The following RNFT2 variants were observed in gnomAD, a reference collection of about 807,000 sequenced individuals.
RNFT2 encodes E3 ubiquitin-protein ligase RNFT2.
RNFT2 carries 36 observed loss-of-function variants against 53.0 expected under a neutral mutation model. The observed-to-expected ratio is 0.68, with a 90% confidence interval of 0.52 to 0.90. RNFT2 has a LOEUF of 0.90. RNFT2 is among the 40% of genes least tolerant of loss of function. RNFT2 has a pLI of 0.00. For synonymous variants in RNFT2, 260 were observed against 253.2 expected (o/e 1.03, Z -0.26); for missense variants, 514 against 585.6 (o/e 0.88, Z 1.26).
chr12:116,759,976 G>T (rs1226869860), intron 5 of RNFT2, among the ~76,000 whole-genome samples: 1 of 152,170 alleles, frequency 6.6e-6, no homozygotes, highest in Non-Finnish European at 1.5e-5. Flanking sequence ...GGACCATCGG[G>T]TTGGGGTGAG....
intron 3 of RNFT2, among the ~76,000 whole-genome samples, chr12:116,745,994 T>C (rs1871875137): frequency 6.6e-6 from 1 of 152,082 alleles, no homozygotes; most frequent in African/African-American, 2.4e-5. Context: ...CCCAGCACTT[T>C]GGGAGGCCAA....
chr12:116,791,134 C>T (rs149450099), intron 7 of RNFT2, among the ~76,000 whole-genome samples: 101 of 152,320 alleles, frequency 6.6e-4, no homozygotes, highest in African/African-American at 2.3e-3. Flanking sequence ...ATTCCATTCC[C>T]GCTTCCCACA....
At position 116,799,669 on chromosome 12, in the gene RNFT2, C is replaced by T. The variant is rs549267597; in HGVS notation, c.882+20321C>T. ...GGGATTCCTCAGCTGGGCACGATGGCTCATGCCTGTAATCCCTTTTTTTGG... is the reference window on the plus strand; with the variant it reads ...GGGATTCCTCAGCTGGGCACGATGGTTCATGCCTGTAATCCCTTTTTTTGG... On this transcript the variant is annotated intron_variant, in intron 7 of 10. Transcript: ENST00000257575. 3.3e-5 allele frequency among the ~76,000 whole-genome samples: 5 copies of T among 152,302 alleles called. No individual in the cohort carries two copies. In the South Asian group the frequency reaches 1.0e-3, roughly 32 times the overall value.
intron 10 of RNFT2, among the ~76,000 whole-genome samples, chr12:116,838,706 A>G (rs79518302): frequency 0.13 from 20,112 of 152,216 alleles, 2,253 homozygotes; most frequent in African/African-American, 0.3. Context: ...TAGCAGGGAC[A>G]ATTTGAACAT....
intron 5 of RNFT2, 61 bp from the exon 6 acceptor site, chr12:116,766,753 C>A: frequency 7.8e-7 from 1 of 1,279,278 alleles, no homozygotes; most frequent in Non-Finnish European, 1.1e-6. Flanking sequence ...CATCAGGGTA[C>A]ATTCTGGAAG....
chr12:116,747,390 A>G (rs901270795), intron 3 of RNFT2, among the ~76,000 whole-genome samples: 7 of 152,018 alleles, frequency 4.6e-5, no homozygotes, highest in African/African-American at 1.7e-4. Context: ...CCTGGAGCCA[A>G]TTGCAGTGGC....
chr12:116,783,058 C>T (rs1873784471), intron 7 of RNFT2, among the ~76,000 whole-genome samples: 1 of 152,158 alleles, frequency 6.6e-6, no homozygotes, highest in African/African-American at 2.4e-5. Context: ...TGTTGGCTAC[C>T]AGGGTGATGC....
intron 5 of RNFT2, among the ~76,000 whole-genome samples, chr12:116,761,255 T>C (rs1363025469): frequency 3.9e-5 from 6 of 152,138 alleles, no homozygotes; most frequent in African/African-American, 1.4e-4. Context: ...TTCAAGCAAT[T>C]CCTCTGCCTC....
Position 116,740,456 on chromosome 12 carries a change from A to T in RNFT2, c.-42A>T. The T allele has an allele frequency of 6.4e-7, 1 of 1,560,258 alleles. No homozygotes were observed. The highest frequency in any genetic ancestry group is 8.7e-7 in the Non-Finnish European group (1 of 1,150,388). On this transcript the variant is annotated 5_prime_UTR_variant, in exon 2 of 11. Transcript: ENST00000257575. ...GGTCACATCCCCCTGAGGATTCCCG[A>T]ATGCCTACCTCCAGTGTCGTCAACA...
chr12:116,783,609 C>G (rs762592634), intron 7 of RNFT2, among the ~76,000 whole-genome samples: 1 of 152,246 alleles, frequency 6.6e-6, no homozygotes, highest in Admixed American at 6.5e-5. Flanking sequence ...CTCCCTGTGC[C>G]CAGCTACAGC....
At chr12:116,845,257 AAATAT>A (rs1338177800) in intron 10 of RNFT2, among the ~76,000 whole-genome samples, 10 of 81,020 alleles carry the variant, frequency 1.2e-4, no homozygotes, top group African/African-American at 5.1e-4. Context: ...AAAAAAAAAA[AAATAT>A]ATATATATAT....
At chr12:116,819,579 C>T (rs1481777092) in intron 7 of RNFT2, among the ~76,000 whole-genome samples, 1 of 152,102 alleles carries the variant, frequency 6.6e-6, no homozygotes, top group Non-Finnish European at 1.5e-5. Flanking sequence ...GGCCAGCCCG[C>T]GCCGCCAGGA....
chr12:116,769,616 G>A (rs1009966319), intron 6 of RNFT2, among the ~76,000 whole-genome samples: 2 of 152,184 alleles, frequency 1.3e-5, no homozygotes, highest in African/African-American at 4.8e-5. Context: ...CTGTACAGCT[G>A]TACAATCTGT....
chr12:116,762,403 C>A (rs115470858), intron 5 of RNFT2, among the ~76,000 whole-genome samples: 1,153 of 138,390 alleles, frequency 8.3e-3, no homozygotes, highest in Middle Eastern at 0.011. Context: ...CATCTCAAAA[C>A]AAAAAAAAAA....
intron 7 of RNFT2, among the ~76,000 whole-genome samples, chr12:116,796,222 T>C (rs1874500163): frequency 6.6e-6 from 1 of 152,096 alleles, no homozygotes; most frequent in African/African-American, 2.4e-5. Flanking sequence ...CCAGTGGTCA[T>C]TTCTGTCTCT....
At chr12:116,838,578 G>A (rs1478283576) in intron 10 of RNFT2, among the ~76,000 whole-genome samples, 2 of 152,194 alleles carry the variant, frequency 1.3e-5, no homozygotes, top group Non-Finnish European at 2.9e-5. Flanking sequence ...TTTGAGCTTT[G>A]CCAATCTGAC....
At chr12:116,829,256 T>C (rs1307197851) in intron 7 of RNFT2, among the ~76,000 whole-genome samples, 2 of 152,146 alleles carry the variant, frequency 1.3e-5, no homozygotes. Context: ...ACTAAGTTGC[T>C]GTCCATTGGT....
At position 116,792,280 on chromosome 12, in the gene RNFT2, C is replaced by T. The variant is rs1042670873; in HGVS notation, c.882+12932C>T. 3.3e-5 allele frequency among the ~76,000 whole-genome samples: 5 copies of T among 152,156 alleles called. No individual in the cohort carries two copies. In the South Asian group the frequency reaches 1.0e-3, roughly 32 times the overall value. Reference sequence around the variant, plus strand: ...GGCCAGGCTGGTCTTGAACTCCTGACCTCAGGTGATCTGCCCACCTCGGCC... The same window carrying T: ...GGCCAGGCTGGTCTTGAACTCCTGATCTCAGGTGATCTGCCCACCTCGGCC... On this transcript the variant is annotated intron_variant, in intron 7 of 10. Coordinates refer to ENST00000257575, the MANE Select transcript of RNFT2 (RefSeq NM_001382266.1).
At chr12:116,773,035 G>A (rs1873271761) in intron 6 of RNFT2, among the ~76,000 whole-genome samples, 1 of 152,068 alleles carries the variant, frequency 6.6e-6, no homozygotes, top group African/African-American at 2.4e-5. Flanking sequence ...CACCAAGTTG[G>A]CCAGGATGGT....
Sources: allele counts gnomAD v4.1 joint callset (sites outside exome capture counted in the v4.1 genomes callset), GRCh38; gene constraint gnomAD v4.1.1; transcripts MANE v1.5; gene names NCBI Gene and HGNC (gene_info 2026-07-23, HGNC 2026-07-21).